MMP16: variants seen among roughly 807,000 people sequenced by gnomAD.
The protein encoded by MMP16 is matrix metallopeptidase 16.
A neutral mutation model predicts 67.8 loss-of-function variants in MMP16; 12 were observed. That is an observed-to-expected ratio of 0.18 (90% confidence interval 0.11 to 0.29). The LOEUF is 0.29. Ranked by LOEUF, MMP16 falls within the 10% of genes least tolerant of loss-of-function variation. The pLI, the probability that MMP16 is intolerant of heterozygous loss-of-function variation, is 1.00. For synonymous variants in MMP16, 249 were observed against 255.9 expected (o/e 0.97, Z 0.26); for missense variants, 475 against 765.7 (o/e 0.62, Z 4.48).
At chr8:88,303,686 G>T (rs1811167949) in intron 1 of MMP16, among the ~76,000 whole-genome samples, 1 of 152,146 alleles carries the variant, frequency 6.6e-6, no homozygotes, top group African/African-American at 2.4e-5. Flanking sequence ...AGGCAACTAG[G>T]GTCTGGAGCA....
intron 4 of MMP16, among the ~76,000 whole-genome samples, chr8:88,132,498 C>T (rs2118477538): frequency 6.6e-6 from 1 of 151,882 alleles, no homozygotes; most frequent in Admixed American, 6.6e-5. Flanking sequence ...CTTCAAAGCC[C>T]AATTAGGACG....
chr8:88,168,039 C>A lies in MMP16; in HGVS notation c.405-66G>T, dbSNP rs956603216. 4.8e-6 allele frequency: 6 copies of A among 1,242,438 alleles called. No homozygotes were observed. In the South Asian group the frequency reaches 6.2e-5, roughly 13 times the overall value. The allele number at this position is 1,242,438 out of a possible 1,614,324, so 77.0% of individuals were successfully genotyped here. On this transcript the variant is annotated intron_variant, in intron 3 of 9. Transcript: ENST00000286614. ...AAGCTAACTTAGTACAGGTTTTGAT[C>A]GATTCAGTTAAGTAAAATATTAGAG...
intron 8 of MMP16, among the ~76,000 whole-genome samples, chr8:88,054,578 A>C (rs1022153963): frequency 6.6e-6 from 1 of 152,166 alleles, no homozygotes; most frequent in African/African-American, 2.4e-5. Flanking sequence ...GATCTTTTAA[A>C]TTTGTGATTT....
At chr8:88,198,473 T>A (rs368172139) in intron 1 of MMP16, among the ~76,000 whole-genome samples, 1 of 152,150 alleles carries the variant, frequency 6.6e-6, no homozygotes, top group African/African-American at 2.4e-5. Context: ...CCTATGAAAT[T>A]GTAGTTTTTC....
intron 1 of MMP16, among the ~76,000 whole-genome samples, chr8:88,239,852 CA>C (rs2129898023): frequency 6.6e-6 from 1 of 152,226 alleles, no homozygotes; most frequent in Non-Finnish European, 1.5e-5. Context: ...CCTCCCAAAT[CA>C]AATATAAGAA....
chr8:88,150,725 A>G (rs1383037904), intron 4 of MMP16, among the ~76,000 whole-genome samples: 4 of 147,118 alleles, frequency 2.7e-5, no homozygotes, highest in Non-Finnish European at 6.0e-5. Flanking sequence ...CTAAACATGG[A>G]AAGGAACAAC....
At chr8:88,142,350 A>T (rs1426547263) in intron 4 of MMP16, among the ~76,000 whole-genome samples, 1 of 152,162 alleles carries the variant, frequency 6.6e-6, no homozygotes, top group Non-Finnish European at 1.5e-5. Context: ...CATATTTTAA[A>T]GCTATATATT....
At chr8:88,307,804 A>G (rs1346172913) in intron 1 of MMP16, among the ~76,000 whole-genome samples, 2 of 152,044 alleles carry the variant, frequency 1.3e-5, no homozygotes, top group African/African-American at 4.8e-5. Context: ...GTATCAGACC[A>G]CTCAAGATAA....
intron 4 of MMP16, among the ~76,000 whole-genome samples, chr8:88,158,965 T>C (rs1433176055): frequency 1.3e-5 from 2 of 151,920 alleles, no homozygotes; most frequent in South Asian, 2.1e-4. Context: ...TGTCAAAGAT[T>C]AGATGGTTGT....
chr8:88,227,453 A>G (rs1809788889), intron 1 of MMP16, among the ~76,000 whole-genome samples: 1 of 152,060 alleles, frequency 6.6e-6, no homozygotes, highest in Middle Eastern at 3.2e-3. Context: ...TTACAAATAT[A>G]AGAAATTTCA....
At chr8:88,048,359 T>C (rs189220876) in intron 8 of MMP16, among the ~76,000 whole-genome samples, 512 of 152,298 alleles carry the variant, frequency 3.4e-3, no homozygotes, top group Middle Eastern at 0.017. Flanking sequence ...AAGGAACAAA[T>C]TGTGAACATC....
At chr8:88,313,587 T>C (rs1811331773) in intron 1 of MMP16, among the ~76,000 whole-genome samples, 1 of 152,244 alleles carries the variant, frequency 6.6e-6, no homozygotes, top group African/African-American at 2.4e-5. Context: ...TTCTTGGATC[T>C]GTGAGTTTAT....
In MMP16 at chr8:88,035,288, G is replaced by A. The variant is rs935430116; in HGVS notation, c.*6173C>T. 6.6e-6 allele frequency: 1 copy of A among 151,984 alleles called. No homozygotes were observed. Among genetic ancestry groups the A allele is most frequent in the African/African-American group, 2.4e-5 (1 of 41,396 alleles). The allele number at this position is 151,984 out of a possible 1,614,324, so 9.4% of individuals were successfully genotyped here. A position where few individuals can be genotyped will look rare whatever the true frequency, so the allele number is the denominator to read the frequency against. On this transcript the variant is annotated 3_prime_UTR_variant, in exon 10 of 10. Coordinates refer to ENST00000286614, the MANE Select transcript of MMP16 (RefSeq NM_005941.5). The surrounding 1 kb of genome is among the most constrained non-coding windows in gnomAD (Gnocchi z 4.7). ...TTCAGCTCTACAGCAGAGCACATGG[G>A]AAAGTTATATGAATCTGTACAACAT...
intron 4 of MMP16, among the ~76,000 whole-genome samples, chr8:88,148,787 G>A (rs951564702): frequency 1.0e-5 from 1 of 100,410 alleles, no homozygotes; most frequent in African/African-American, 3.0e-5. Context: ...CATTCCAAGA[G>A]TTTTCTTTTA....
Position 88,056,200 on chromosome 8 carries a change from A to T in MMP16, c.1301T>A (p.Ile434Asn). Residue 434 changes from isoleucine (I) to asparagine (N), a missense_variant, in exon 8 of 10, where the codon ATT (isoleucine) becomes AAT (asparagine). By Grantham distance (149) the Ile-to-Asn change is moderately radical. Around this residue, in one of 5 missense-constraint regions of MMP16, gnomAD observed 195 missense variants for 300.9 expected, o/e 0.65. Transcript: ENST00000286614. ...PHDLITLGSG[I>N]PPHGIDSAIW... The stretch of plus-strand genomic sequence containing the variant: ...GGCTGAATCAATACCATGAGGGGGA[A>T]TTCCACTTCCAAGGGTTATCAAGTC... The T allele has an allele frequency of 1.2e-6, 2 of 1,603,066 alleles. No individual in the cohort carries two copies. Among genetic ancestry groups the T allele is most frequent in the African/African-American group, 1.3e-5 (1 of 74,752 alleles).
intron 4 of MMP16, among the ~76,000 whole-genome samples, chr8:88,149,606 C>T (rs1240775215): frequency 6.6e-6 from 1 of 151,834 alleles, no homozygotes; most frequent in Non-Finnish European, 1.5e-5. Flanking sequence ...GGCACACTGA[C>T]ACCTCACACG....
chr8:88,158,399 T>C (rs1808551928), intron 4 of MMP16, among the ~76,000 whole-genome samples: 1 of 152,220 alleles, frequency 6.6e-6, no homozygotes, highest in Non-Finnish European at 1.5e-5. Context: ...TGGTTTTGAT[T>C]TGCATTTCTC....
At chr8:88,252,309 G>T (rs554690399) in intron 1 of MMP16, among the ~76,000 whole-genome samples, 1 of 152,012 alleles carries the variant, frequency 6.6e-6, no homozygotes, top group Non-Finnish European at 1.5e-5. Flanking sequence ...ATTGTACTAC[G>T]GCCTCTTCCA....
At chr8:88,305,452 C>T (rs1230297698) in intron 1 of MMP16, among the ~76,000 whole-genome samples, 3 of 152,180 alleles carry the variant, frequency 2.0e-5, no homozygotes, top group African/African-American at 7.2e-5. Context: ...TCATAGATAT[C>T]TACAGAACTC....
Sources: gnomAD v4.1 joint callset for allele counts (sites outside exome capture counted in the v4.1 genomes callset) on GRCh38, gnomAD v4.1.1 for gene constraint, gnomAD v4.1.1 regional missense constraint, Gnocchi (gnomAD v3.1) non-coding constraint, MANE v1.5 for transcripts, NCBI Gene and HGNC (gene_info 2026-07-23, HGNC 2026-07-21) for gene names.